Variants in AMPH observed in about 807,000 individuals in gnomAD.
The protein encoded by AMPH is amphiphysin, also known as amphiphysin (Stiff-Mann syndrome with breast cancer 128kD autoantigen).
A neutral mutation model predicts 99.1 loss-of-function variants in AMPH; 49 were observed. That is an observed-to-expected ratio of 0.49 (90% CI 0.39 to 0.63). The LOEUF is 0.63. AMPH is among the 20% of genes least tolerant of loss of function. The probability of loss-of-function intolerance (pLI) is 0.00; values close to 1 mark genes in which losing one functional copy is unlikely to be tolerated. For missense variants in AMPH, 759 were observed against 863.4 expected, an observed-to-expected ratio of 0.88 and a Z score of 1.52; for synonymous variants, 314 against 317.3, an observed-to-expected ratio of 0.99 and a Z score of 0.11.
rs77700988 is a variant in AMPH at position 38,390,489 on chromosome 7, G to A, written c.1879-584C>T. ...GAAATAACATAATGAACCCCTATGC[G>A]TCTGTCACCCAGTCTGAATCACTCT... On this transcript the variant is annotated intron_variant, in intron 19 of 20. Transcript: ENST00000356264. Among the ~76,000 whole-genome samples the A allele has an allele frequency of 1.9e-3, 290 of 152,098 alleles. 4 individuals carry two copies. The South Asian group carries it at 0.039, about 20-fold the overall frequency.
chr7:38,614,641 G>A (rs568117946), intron 1 of AMPH, among the ~76,000 whole-genome samples: 1 of 152,264 alleles, frequency 6.6e-6, no homozygotes, highest in South Asian at 2.1e-4. Context: ...AAGATGAGCT[G>A]TAAAGGTTTT....
chr7:38,421,001 A>C, intron 16 of AMPH: 1 of 456,658 alleles, frequency 2.2e-6, no homozygotes, highest in Non-Finnish European at 4.4e-6. Context: ...GGGAGACATC[A>C]GTTCACTGTG....
intron 5 of AMPH, among the ~76,000 whole-genome samples, chr7:38,489,708 G>A (rs1788648909): frequency 6.6e-6 from 1 of 152,002 alleles, no homozygotes; most frequent in South Asian, 2.1e-4. Flanking sequence ...TTAAAAATCG[G>A]CAATGGACTA....
chr7:38,463,144 C>T, intron 9 of AMPH, 31 bp from the exon 10 acceptor site: 1 of 1,613,734 alleles, frequency 6.2e-7, no homozygotes, highest in Non-Finnish European at 8.5e-7. Context: ...GGGCAAGGGG[C>T]CTTCTCAAGA....
At chr7:38,461,451 C>T (rs1787440027) in intron 10 of AMPH, 40 bp from the exon 11 acceptor site, 4 of 1,612,652 alleles carry the variant, frequency 2.5e-6, no homozygotes, top group Non-Finnish European at 3.4e-6. Flanking sequence ...CAGCCAAAGA[C>T]AATGTGTCAG....
intron 19 of AMPH, 137 bp downstream of exon 19, chr7:38,391,611 G>A: frequency 1.2e-6 from 1 of 829,076 alleles, no homozygotes; most frequent in African/African-American, 1.7e-5. Flanking sequence ...TTGTCCAAGT[G>A]ATGTTGTGGT....
intron 7 of AMPH, among the ~76,000 whole-genome samples, chr7:38,470,146 C>G (rs1787825517): frequency 6.6e-6 from 1 of 152,166 alleles, no homozygotes; most frequent in Admixed American, 6.5e-5. Flanking sequence ...CTGTTTGCCC[C>G]ACATATCTTC....
Position 38,516,435 on chromosome 7 carries a change from G to C in AMPH, c.151-12731C>G, listed in dbSNP as rs371336078. On this transcript the variant is annotated intron_variant, in intron 2 of 20. Transcript: ENST00000356264. ...GAGGATGTAAGCTATAAGGCTTGAT[G>C]ACTTCCATACAGTGTTATGCCTGTA... 4.4e-4 allele frequency among the ~76,000 whole-genome samples: 67 copies of C among 152,318 alleles called. 1 individual carries two copies. In the Middle Eastern group the frequency reaches 0.027, roughly 62 times the overall value.
intron 1 of AMPH, among the ~76,000 whole-genome samples, chr7:38,600,176 T>G (rs1793198669): frequency 6.6e-6 from 1 of 152,186 alleles, no homozygotes; most frequent in African/African-American, 2.4e-5. Flanking sequence ...TATTATTAAT[T>G]AATCTTACCT....
intron 3 of AMPH, among the ~76,000 whole-genome samples, chr7:38,498,159 T>C (rs1303153599): frequency 6.6e-6 from 1 of 152,180 alleles, no homozygotes; most frequent in Non-Finnish European, 1.5e-5. Context: ...GTTCAAAAAC[T>C]AGAAGTTATC....
intron 1 of AMPH, among the ~76,000 whole-genome samples, chr7:38,609,669 C>CT (rs199949157): frequency 1.0e-3 from 151 of 151,498 alleles, no homozygotes; most frequent in African/African-American, 1.7e-3. Flanking sequence ...TAAAATTTAT[C>CT]TTTTTTTTTA....
In AMPH at chr7:38,503,640, T is replaced by C. The variant is rs750181073; in HGVS notation, c.205+10A>G. 3 of 1,613,500 alleles carry C rather than the reference T, an allele frequency of 1.9e-6. No homozygotes were observed. The highest frequency in any genetic ancestry group is 2.5e-6 in the Non-Finnish European group (3 of 1,179,516). On this transcript the variant is annotated intron_variant, in intron 3 of 20. Coordinates refer to ENST00000356264, the MANE Select transcript of AMPH (RefSeq NM_001635.4). ...TAAGTAACATGCAGTAAACAACTCA[T>C]ACACATTACCTTTGATTGCTGCTAA...
At chr7:38,392,051 G>C (rs760748777) in intron 18 of AMPH, 34 bp from the exon 19 acceptor site, 2 of 1,595,412 alleles carry the variant, frequency 1.3e-6, no homozygotes, top group Non-Finnish European at 1.7e-6. Context: ...ATGCCCGGCA[G>C]GGCCTGGAAA....
chr7:38,459,385 C>G (rs1787355447), intron 11 of AMPH, among the ~76,000 whole-genome samples: 1 of 151,944 alleles, frequency 6.6e-6, no homozygotes, highest in Non-Finnish European at 1.5e-5. Context: ...GCCAAAATAG[C>G]CAAAGCAATT....
rs192767571 is a variant in AMPH, at chr7:38,507,730, G to A, written c.151-4026C>T. On this transcript the variant is annotated intron_variant, in intron 2 of 20. Transcript: ENST00000356264. ...AAGTTCTACACCCTTGAGATTATAT[G>A]CCTGTATTTTCCCTTCTTGTTTCTT... Among the ~76,000 whole-genome samples, 189 of 152,244 alleles carry A rather than the reference G, an allele frequency of 1.2e-3. 2 individuals are homozygous for A. The highest frequency in any genetic ancestry group is 4.3e-3 in the African/African-American group (180 of 41,534).
At chr7:38,541,448 T>C (rs76309521) in intron 1 of AMPH, among the ~76,000 whole-genome samples, 1,653 of 152,318 alleles carry the variant, frequency 0.011, 29 homozygotes, top group African/African-American at 0.035. Flanking sequence ...GATGAAACAC[T>C]AGAAATGCAT....
At position 38,391,947 on chromosome 7, in the gene AMPH, G is replaced by A. The variant is rs777086329; in HGVS notation, c.1679C>T (p.Thr560Ile). The A allele has an allele frequency of 6.2e-7, 1 of 1,612,220 alleles. No homozygotes were observed. Among genetic ancestry groups the A allele is most frequent in the South Asian group, 1.1e-5 (1 of 91,050 alleles). ...GGTCTCCTTGGGCTCTGCACCTATAGTTATTTCGTTTTCTCCTTCCTCTTC... is the reference window on the plus strand; with the variant it reads ...GGTCTCCTTGGGCTCTGCACCTATAATTATTTCGTTTTCTCCTTCCTCTTC... ...NHEEEGENEI[T>I]IGAEPKETTE... The change falls in exon 19 of 21, where the codon ACT becomes ATT. Residue 560 changes from threonine (T) to isoleucine (I), a missense_variant. Transcript: ENST00000356264.
At chr7:38,560,875 C>T (rs950283959) in intron 1 of AMPH, among the ~76,000 whole-genome samples, 2 of 152,126 alleles carry the variant, frequency 1.3e-5, no homozygotes, top group East Asian at 3.9e-4. Context: ...TGAAGTCTGG[C>T]TATTTTATTT....
chr7:38,416,105 ATAT>A (rs1785377512), intron 17 of AMPH, among the ~76,000 whole-genome samples: 1 of 40,916 alleles, frequency 2.4e-5, no homozygotes, highest in Admixed American at 2.5e-4. Context: ...ACATATGAAT[ATAT>A]ATATATATAT....
Sources: allele counts gnomAD v4.1 joint callset (sites outside exome capture counted in the v4.1 genomes callset), GRCh38; gene constraint gnomAD v4.1.1; transcripts MANE v1.5; gene names NCBI Gene and HGNC (gene_info 2026-07-23, HGNC 2026-07-21).